PTPN2: variants seen among roughly 807,000 people sequenced by gnomAD.
PTPN2 encodes the protein tyrosine-protein phosphatase non-receptor type 2.
A neutral mutation model predicts 57.3 loss-of-function variants in PTPN2; 19 were observed. The ratio of observed to expected loss-of-function variants is 0.33; its 90% CI spans 0.23 to 0.49. The LOEUF (loss-of-function observed/expected upper bound fraction) is 0.49, where lower values mean the gene tolerates loss of function less well. PTPN2 is among the 20% of genes least tolerant of loss of function. The pLI is 0.99. For missense variants in PTPN2, 358 were observed against 501.1 expected (o/e 0.71, Z 2.73); for synonymous variants, 153 against 164.9 (o/e 0.93, Z 0.55).
chr18:12,794,956 G>C (rs1426251164), intron 8 of PTPN2, among the ~76,000 whole-genome samples: 1 of 152,158 alleles, frequency 6.6e-6, no homozygotes, highest in Non-Finnish European at 1.5e-5. Context: ...ATGATTCAGA[G>C]ATGTACCTTG....
chr18:12,855,916 A>T (rs1468935707), intron 2 of PTPN2, among the ~76,000 whole-genome samples: 1 of 152,256 alleles, frequency 6.6e-6, no homozygotes, highest in African/African-American at 2.4e-5. Context: ...CGAAATTTCA[A>T]TTCAATACAT....
downstream of PTPN2, among the ~76,000 whole-genome samples, chr18:12,790,106 C>CT (rs1247411310): frequency 3.4e-3 from 502 of 148,882 alleles, 3 homozygotes; most frequent in African/African-American, 0.012. Context: ...CTAAATTTTT[C>CT]TTTTTTTTTT....
chr18:12,854,916 C>T (rs952859838), intron 2 of PTPN2, among the ~76,000 whole-genome samples: 1 of 152,076 alleles, frequency 6.6e-6, no homozygotes, highest in Non-Finnish European at 1.5e-5. Context: ...TTTGAGAGGC[C>T]GAGGTGGGCC....
intron 1 of PTPN2, 64 bp downstream of exon 1, chr18:12,884,009 C>T (rs1427637433): frequency 1.8e-5 from 25 of 1,402,688 alleles, no homozygotes; most frequent in South Asian, 3.9e-5. Context: ...AGGGACCCTG[C>T]GGACAGGGCA....
At chr18:12,862,194 T>C (rs185836813) in intron 1 of PTPN2, 1 of 151,986 alleles carries the variant, frequency 6.6e-6, no homozygotes, top group East Asian at 1.9e-4. Flanking sequence ...AGTCTTACTC[T>C]GTTGCCCAGG....
At chr18:12,817,013 ATT>A in intron 6 of PTPN2, 141 bp downstream of exon 6, 1 of 745,902 alleles carries the variant, frequency 1.3e-6, no homozygotes, top group Non-Finnish European at 2.2e-6. Context: ...TGGAAATGAG[ATT>A]TTTAGGTTTT....
chr18:12,821,642 G>C (rs2042271411), intron 5 of PTPN2, among the ~76,000 whole-genome samples: 2 of 152,190 alleles, frequency 1.3e-5, no homozygotes, highest in Non-Finnish European at 2.9e-5. Context: ...TGCATTCTCA[G>C]CAGAGAGAAA....
At position 12,793,492 on chromosome 18, in the gene PTPN2, C is replaced by T; in HGVS notation, c.*786G>A. The T allele has an allele frequency of 3.1e-6, 3 of 978,982 alleles. No individual in the cohort carries two copies. Among genetic ancestry groups the T allele is most frequent in the Non-Finnish European group, 3.6e-6 (3 of 823,596 alleles). 60.6% of individuals were successfully genotyped at this position (978,982 alleles called of 1,614,324 possible). On this transcript the variant is annotated 3_prime_UTR_variant, in exon 9 of 9. Coordinates refer to ENST00000309660, the MANE Select transcript of PTPN2 (RefSeq NM_002828.4). The stretch of plus-strand genomic sequence containing the variant: ...TGACCAACTGTTTACCTGACTATCC[C>T]AGTAAGGAGAATTTTCCTTCAAAGA...
At chr18:12,877,871 C>A (rs911903991) in intron 1 of PTPN2, among the ~76,000 whole-genome samples, 1 of 151,530 alleles carries the variant, frequency 6.6e-6, no homozygotes, top group Non-Finnish European at 1.5e-5. Flanking sequence ...ATTAGCCTGG[C>A]GTGGTGGCGG....
intron 7 of PTPN2, among the ~76,000 whole-genome samples, chr18:12,802,560 G>GCTT (rs1258701790): frequency 6.6e-6 from 1 of 152,016 alleles, no homozygotes; most frequent in Non-Finnish European, 1.5e-5. Flanking sequence ...TCTCTCCAAG[G>GCTT]TACATTATAA....
At position 12,793,886 on chromosome 18, in the gene PTPN2, G is replaced by A. The variant is rs558792020; in HGVS notation, c.*392C>T. Reference sequence around the variant, plus strand: ...TAAATGTCATTTTCTTTCCAATAACGTAGATAAAACCACAATATTTATTGC... The same window carrying A: ...TAAATGTCATTTTCTTTCCAATAACATAGATAAAACCACAATATTTATTGC... On this transcript the variant is annotated 3_prime_UTR_variant, in exon 9 of 9. Coordinates refer to ENST00000309660, the MANE Select transcript of PTPN2 (RefSeq NM_002828.4). 14 of 1,049,452 alleles carry A rather than the reference G, an allele frequency of 1.3e-5. No individual in the cohort carries two copies. The South Asian group carries it at 2.8e-4, about 21-fold the overall frequency. The allele number at this position is 1,049,452 out of a possible 1,614,324, so 65.0% of individuals were successfully genotyped here. A position where few individuals can be genotyped will look rare whatever the true frequency, so the allele number is the denominator to read the frequency against.
At chr18:12,851,734 T>C (rs141429313) in intron 2 of PTPN2, among the ~76,000 whole-genome samples, 3 of 152,322 alleles carry the variant, frequency 2.0e-5, no homozygotes, top group South Asian at 2.1e-4. Context: ...GCCGAAAGCA[T>C]AGAAGTTTTC....
chr18:12,854,240 G>A (rs1376092455), intron 2 of PTPN2, among the ~76,000 whole-genome samples: 2 of 151,582 alleles, frequency 1.3e-5, no homozygotes, highest in Non-Finnish European at 2.9e-5. Context: ...TGCACCTGTA[G>A]TCCCAGCTAC....
chr18:12,825,691 G>T (rs1598796685), intron 5 of PTPN2, 119 bp downstream of exon 5: 4 of 886,304 alleles, frequency 4.5e-6, no homozygotes, highest in East Asian at 5.7e-5. Context: ...CGTGATTATG[G>T]CTAGATACTA....
chr18:12,883,933 G>T, intron 1 of PTPN2, 140 bp downstream of exon 1: 2 of 633,864 alleles, frequency 3.2e-6, no homozygotes, highest in Non-Finnish European at 5.2e-6. Flanking sequence ...GCGCGCCCCT[G>T]ACGCGGACCG....
intron 5 of PTPN2, among the ~76,000 whole-genome samples, chr18:12,822,303 T>C (rs1410159108): frequency 1.3e-5 from 2 of 152,206 alleles, no homozygotes; most frequent in East Asian, 3.8e-4. Flanking sequence ...ACAGTCAGCA[T>C]TATAACAGTA....
intron 1 of PTPN2, among the ~76,000 whole-genome samples, chr18:12,874,098 C>A (rs1167807373): frequency 1.3e-5 from 2 of 151,700 alleles, no homozygotes; most frequent in African/African-American, 4.8e-5. Context: ...CCGGCAGCCA[C>A]CCTGTCTGGG....
chr18:12,875,984 G>A (rs1489325765), intron 1 of PTPN2, among the ~76,000 whole-genome samples: 2 of 152,144 alleles, frequency 1.3e-5, no homozygotes, highest in African/African-American at 4.8e-5. Context: ...GAAGCCGGAA[G>A]ATCGCTTTAG....
intron 2 of PTPN2, among the ~76,000 whole-genome samples, chr18:12,843,031 T>C (rs2043096004): frequency 6.6e-6 from 1 of 152,194 alleles, no homozygotes; most frequent in Admixed American, 6.5e-5. Flanking sequence ...GACTTCTTAG[T>C]ACAGGTACCT....
Sources: allele counts gnomAD v4.1 joint callset (sites outside exome capture counted in the v4.1 genomes callset), GRCh38; gene constraint gnomAD v4.1.1; transcripts MANE v1.5; gene names NCBI Gene and HGNC (gene_info 2026-07-23, HGNC 2026-07-21).